Variants in MTDH observed in about 807,000 individuals in gnomAD.
MTDH encodes the protein protein LYRIC.
MTDH carries 34 observed loss-of-function variants against 72.7 expected under a neutral mutation model. The observed-to-expected ratio is 0.47, with a 90% confidence interval of 0.36 to 0.62. The LOEUF is 0.62. MTDH is among the 20% of genes least tolerant of loss of function. The probability of loss-of-function intolerance (pLI) is 0.00; values close to 1 mark genes in which losing one functional copy is unlikely to be tolerated. For missense variants in MTDH, 677 were observed against 699.4 expected, an observed-to-expected ratio of 0.97 and a Z score of 0.36; for synonymous variants, 266 against 268.9, an observed-to-expected ratio of 0.99 and a Z score of 0.10.
At chr8:97,661,946 T>C (rs544113594) in intron 2 of MTDH, among the ~76,000 whole-genome samples, 2 of 150,854 alleles carry the variant, frequency 1.3e-5, no homozygotes, top group Non-Finnish European at 2.9e-5. Context: ...AAAAAAGATA[T>C]AGATGTGCAC....
At chr8:97,719,990 A>C (rs1325828895) in intron 10 of MTDH, among the ~76,000 whole-genome samples, 1 of 150,176 alleles carries the variant, frequency 6.7e-6, no homozygotes, top group African/African-American at 2.4e-5. Flanking sequence ...AATTAATTAC[A>C]TCATATAAAT....
intron 2 of MTDH, among the ~76,000 whole-genome samples, chr8:97,676,004 A>G (rs983917778): frequency 1.7e-4 from 25 of 150,610 alleles, no homozygotes; most frequent in African/African-American, 5.2e-4. Context: ...CAGTGGTACA[A>G]TCATGGCTCA....
intron 10 of MTDH, among the ~76,000 whole-genome samples, chr8:97,720,580 A>T: frequency 6.7e-6 from 1 of 148,766 alleles, no homozygotes; most frequent in South Asian, 2.1e-4. Context: ...TGTGAAGAAG[A>T]ATATATATAT....
At chr8:97,709,068 G>A (rs1814508982) in intron 8 of MTDH, among the ~76,000 whole-genome samples, 1 of 151,892 alleles carries the variant, frequency 6.6e-6, no homozygotes, top group Non-Finnish European at 1.5e-5. Context: ...GCGGGCACCT[G>A]TAATCCCATC....
intron 2 of MTDH, among the ~76,000 whole-genome samples, chr8:97,663,139 T>C (rs1812240548): frequency 6.6e-6 from 1 of 152,114 alleles, no homozygotes; most frequent in South Asian, 2.1e-4. Context: ...TAGTGAGTAA[T>C]GTATACTTAC....
intron 2 of MTDH, among the ~76,000 whole-genome samples, chr8:97,682,172 T>G (rs1291333377): frequency 7.0e-6 from 1 of 142,778 alleles, no homozygotes; most frequent in Non-Finnish European, 1.5e-5. Context: ...ATTTTAAAGT[T>G]TTTCATAAGC....
At chr8:97,691,226 T>A (rs370107758) in intron 6 of MTDH, 38 bp downstream of exon 6, 68 of 1,399,438 alleles carry the variant, frequency 4.9e-5, no homozygotes, top group Non-Finnish European at 6.3e-5. Flanking sequence ...TATTTAAAAT[T>A]ACTAATCTTG....
intron 2 of MTDH, among the ~76,000 whole-genome samples, chr8:97,670,485 G>A (rs538790884): frequency 3.9e-5 from 6 of 152,200 alleles, no homozygotes; most frequent in Admixed American, 1.3e-4. Flanking sequence ...AGCTGGGTGT[G>A]GTGGCGTGTG....
chr8:97,712,779 G>A (rs548615628), intron 8 of MTDH, among the ~76,000 whole-genome samples: 1 of 152,144 alleles, frequency 6.6e-6, no homozygotes, highest in African/African-American at 2.4e-5. Context: ...AATAGCAAAT[G>A]GAGTTGAGCT....
chr8:97,649,027 A>T (rs577476883), intron 1 of MTDH, among the ~76,000 whole-genome samples: 3 of 152,124 alleles, frequency 2.0e-5, no homozygotes, highest in Non-Finnish European at 4.4e-5. Flanking sequence ...TTGTATTTTT[A>T]CTATACCTTT....
At chr8:97,661,267 C>T (rs1812164012) in intron 2 of MTDH, 94 bp downstream of exon 2, 2 of 863,838 alleles carry the variant, frequency 2.3e-6, no homozygotes, top group South Asian at 4.0e-5. Flanking sequence ...TGTATGTATA[C>T]CTCTCATTTA....
chr8:97,705,263 C>CTCT (rs960641865), intron 7 of MTDH, among the ~76,000 whole-genome samples: 2 of 150,416 alleles, frequency 1.3e-5, no homozygotes, highest in Non-Finnish European at 1.5e-5. Flanking sequence ...TGCCACTGCA[C>CTCT]TCTAGCCTGG....
At chr8:97,660,578 T>G (rs1376484170) in intron 1 of MTDH, among the ~76,000 whole-genome samples, 1 of 152,212 alleles carries the variant, frequency 6.6e-6, no homozygotes, top group Non-Finnish European at 1.5e-5. Context: ...AATAAAATAT[T>G]TTTTTCTGAA....
chr8:97,651,420 C>G (rs1255561807), intron 1 of MTDH, among the ~76,000 whole-genome samples: 1 of 152,110 alleles, frequency 6.6e-6, no homozygotes, highest in Non-Finnish European at 1.5e-5. Flanking sequence ...ACAGCAAAAT[C>G]ACTAACAAAA....
intron 2 of MTDH, among the ~76,000 whole-genome samples, chr8:97,681,890 C>T (rs1055373236): frequency 5.9e-5 from 9 of 151,954 alleles, no homozygotes; most frequent in South Asian, 2.1e-4. Flanking sequence ...TATGTATACT[C>T]GGCTCCTAAA....
chr8:97,647,886 AT>A (rs1383211729), intron 1 of MTDH, among the ~76,000 whole-genome samples: 5 of 151,294 alleles, frequency 3.3e-5, no homozygotes, highest in Non-Finnish European at 7.4e-5. Flanking sequence ...TGACGCTGTG[AT>A]GAGCTATGAT....
rs1813480699 is a variant in MTDH, at chr8:97,689,074, A to T, written c.782A>T (p.Lys261Ile). 4 of 1,585,202 alleles carry T rather than the reference A, an allele frequency of 2.5e-6. No homozygotes were observed. Among genetic ancestry groups the T allele is most frequent in the Non-Finnish European group, 3.4e-6 (4 of 1,160,882 alleles). ...CTAAATGTTCAAGTTAGCAACTTTA[A>T]ATCTGGAAAAGGAGATTCTACACTT... Reference protein sequence around the residue: ...SHLNVQVSNFKSGKGDSTLQV... With the variant: ...SHLNVQVSNFISGKGDSTLQV... The change falls in exon 5 of 12, where the codon AAA (lysine) becomes ATA (isoleucine). Residue 261 changes from lysine (K) to isoleucine (I), a missense_variant. This residue lies in a region of MTDH where 467 missense variants were observed against 469.1 expected (regional missense o/e 1.00). Coordinates refer to ENST00000336273, the MANE Select transcript of MTDH (RefSeq NM_178812.4).
intron 8 of MTDH, among the ~76,000 whole-genome samples, chr8:97,709,725 G>A (rs1814542658): frequency 6.6e-6 from 1 of 152,192 alleles, no homozygotes; most frequent in Admixed American, 6.5e-5. Flanking sequence ...AAATTGATTG[G>A]ATAGACACAG....
At position 97,687,673 on chromosome 8, in the gene MTDH, T is replaced by C. The variant is rs372510860; in HGVS notation, c.745+68T>C. ...TCCTTTTATTCGGATGTACAAAATA[T>C]CATTATGTCAAAATCTGACTATTTT... On this transcript the variant is annotated intron_variant, in intron 4 of 11. Transcript: ENST00000336273. 3.4e-3 allele frequency: 4,455 copies of C among 1,312,114 alleles called. 182 individuals carry two copies. In the South Asian group the frequency reaches 0.064, roughly 19 times the overall value. The allele number at this position is 1,312,114 out of a possible 1,614,324, so 81.3% of individuals were successfully genotyped here. A position where few individuals can be genotyped will look rare whatever the true frequency, so the allele number is the denominator to read the frequency against.
Sources: allele counts gnomAD v4.1 joint callset (sites outside exome capture counted in the v4.1 genomes callset), GRCh38; gene constraint gnomAD v4.1.1; regional missense constraint gnomAD v4.1.1; transcripts MANE v1.5; gene names NCBI Gene and HGNC (gene_info 2026-07-23, HGNC 2026-07-21).